The following DYNC2H1 variants were observed in gnomAD, a reference collection of about 807,000 sequenced individuals.
DYNC2H1 encodes the protein dynein cytoplasmic 2 heavy chain 1.
In DYNC2H1, 410 loss-of-function variants were observed where a neutral mutation model predicts 570.0. The observed-to-expected ratio is 0.72, with a 90% CI of 0.66 to 0.78. The LOEUF (loss-of-function observed/expected upper bound fraction) is 0.78. DYNC2H1 is among the 30% of genes least tolerant of loss of function. The pLI, the probability that DYNC2H1 is intolerant of heterozygous loss-of-function variation, is 0.00. For synonymous variants in DYNC2H1, 1,688 were observed against 1,677.6 expected, an observed-to-expected ratio of 1.01 and a Z score of -0.15; for missense variants, 4,865 against 5,046.4, an observed-to-expected ratio of 0.96 and a Z score of 1.09.
chr11:103,137,700 G>C (rs1292448279), intron 17 of DYNC2H1, among the ~76,000 whole-genome samples: 5 of 152,014 alleles, frequency 3.3e-5, no homozygotes, highest in Non-Finnish European at 5.9e-5. Context: ...GGATTGACTT[G>C]GCAATGTGGG....
rs1862839201 is a variant in DYNC2H1 at position 103,204,326 on chromosome 11, C to T, written c.8312-496C>T. On this transcript the variant is annotated intron_variant, in intron 51 of 88. Transcript: ENST00000375735. This position sits in a 1 kb window ranked among gnomAD's most constrained non-coding sequence, Gnocchi z 4.1. ...GAGCCAAACCATATCAATACCTTAG[C>T]AAAATTTTAGCAAACAGGAATGATG... Among the ~76,000 whole-genome samples, 1 of 152,052 alleles carries T rather than the reference C, an allele frequency of 6.6e-6. No individual in the cohort carries two copies.
chr11:103,279,328 ATAAT>A (rs1189526275), intron 70 of DYNC2H1, among the ~76,000 whole-genome samples: 1 of 152,182 alleles, frequency 6.6e-6, no homozygotes, highest in Non-Finnish European at 1.5e-5. Context: ...CTTATGGAAA[ATAAT>A]TAGTTTTCAG....
Position 103,243,971 on chromosome 11 carries a change from A to G in DYNC2H1, c.9918+180A>G, listed in dbSNP as rs1459283914. Among the ~76,000 whole-genome samples, 1 of 149,608 alleles carries G rather than the reference A, an allele frequency of 6.7e-6. No individual in the cohort carries two copies. Among genetic ancestry groups the G allele is most frequent in the Non-Finnish European group, 1.5e-5 (1 of 66,650 alleles). The stretch of plus-strand genomic sequence containing the variant: ...TTGTAAAAAATAGATAAGAATATTT[A>G]TTTGATTCTGGGTATTGATCTAAGC... On this transcript the variant is annotated intron_variant, in intron 64 of 88. Coordinates refer to ENST00000375735, the MANE Select transcript of DYNC2H1 (RefSeq NM_001377.3). This position sits in a 1 kb window ranked among gnomAD's most constrained non-coding sequence, Gnocchi z 4.8.
chr11:103,179,596 C>T (rs780830477), intron 39 of DYNC2H1, among the ~76,000 whole-genome samples: 1 of 151,586 alleles, frequency 6.6e-6, no homozygotes, highest in Non-Finnish European at 1.5e-5. Flanking sequence ...AGCTGAGTAG[C>T]AATATTTTAA....
chr11:103,307,839 G>T lies in DYNC2H1; in HGVS notation c.11493+8G>T. 1 of 1,528,100 alleles carries T rather than the reference G, an allele frequency of 6.5e-7. No homozygotes were observed. The highest frequency in any genetic ancestry group is 1.4e-5 in the African/African-American group (1 of 73,064). 94.7% of individuals were successfully genotyped at this position (1,528,100 alleles called of 1,614,324 possible). On this transcript the variant is annotated splice_region_variant and intron_variant, in intron 78 of 88. Transcript: ENST00000375735. ...CTGAAGATAACATATGAGGTAAGAA[G>T]ATTTAAAACTTGGATCACCAGTTGT...
chr11:103,199,922 A>G lies in DYNC2H1; in HGVS notation c.8089-124A>G. 3 of 657,860 alleles carry G rather than the reference A, an allele frequency of 4.6e-6. No homozygotes were observed. The highest frequency in any genetic ancestry group is 7.5e-6 in the Non-Finnish European group (3 of 400,654). The allele number at this position is 657,860 out of a possible 1,614,324, so 40.8% of individuals were successfully genotyped here. On this transcript the variant is annotated intron_variant, in intron 49 of 88. Transcript: ENST00000375735. The surrounding 1 kb of genome is among the most constrained non-coding windows in gnomAD (Gnocchi z 4.6). Reference sequence around the variant, plus strand: ...TAAAGTTTGATTTTTAATTATTAAAATGGAAATAAATGAATAAATAAACAC... The same window carrying G: ...TAAAGTTTGATTTTTAATTATTAAAGTGGAAATAAATGAATAAATAAACAC...
intron 66 of DYNC2H1, among the ~76,000 whole-genome samples, 182 bp downstream of exon 66, chr11:103,253,630 C>G (rs535739162): frequency 6.6e-6 from 1 of 152,140 alleles, no homozygotes; most frequent in East Asian, 1.9e-4. Context: ...TGTATTAGAC[C>G]TGTACATTTG....
chr11:103,349,008 C>G (rs1445686832), intron 82 of DYNC2H1, among the ~76,000 whole-genome samples: 3 of 152,188 alleles, frequency 2.0e-5, no homozygotes, highest in Non-Finnish European at 2.9e-5. Context: ...GAGGCCTCCT[C>G]AGTCATGCAG....
rs1474103038 is a variant in DYNC2H1 at position 103,446,821 on chromosome 11, T to C, written c.12457-8365T>C. ...AGGGCCCAATGCACATGTGGAAAGA[T>C]AGGCCTTAAATAGGAGCTTGAACTA... On this transcript the variant is annotated intron_variant, in intron 85 of 88. Transcript: ENST00000375735. The surrounding 1 kb of genome is among the most constrained non-coding windows in gnomAD (Gnocchi z 4.5). Among the ~76,000 whole-genome samples the C allele has an allele frequency of 6.6e-6, 1 of 152,128 alleles. No homozygotes were observed. The highest frequency in any genetic ancestry group is 1.9e-4 in the East Asian group (1 of 5,204).
intron 82 of DYNC2H1, among the ~76,000 whole-genome samples, chr11:103,333,492 C>T (rs1279067800): frequency 6.6e-6 from 1 of 152,172 alleles, no homozygotes; most frequent in African/African-American, 2.4e-5. Flanking sequence ...TCTCGATCTC[C>T]TGACCTTGTG....
intron 87 of DYNC2H1, among the ~76,000 whole-genome samples, chr11:103,459,927 C>G (rs1047240238): frequency 4.3e-5 from 6 of 139,302 alleles, no homozygotes; most frequent in Non-Finnish European, 7.5e-5. Flanking sequence ...AGTCCGCAGT[C>G]CGGCCTGGGC....
chr11:103,303,356 G>GC (rs1286573272), intron 76 of DYNC2H1, 103 bp downstream of exon 76: 9 of 1,288,272 alleles, frequency 7.0e-6, no homozygotes, highest in Admixed American at 2.1e-5. Context: ...GCCAAATAAT[G>GC]CCCCCAAAAA....
intron 70 of DYNC2H1, among the ~76,000 whole-genome samples, chr11:103,262,478 G>C: frequency 6.6e-6 from 1 of 152,154 alleles, no homozygotes; most frequent in East Asian, 1.9e-4. Context: ...ACAAAGGGAA[G>C]CCCATCAGAC....
chr11:103,304,774 C>A, intron 77 of DYNC2H1, 54 bp downstream of exon 77: 1 of 1,495,372 alleles, frequency 6.7e-7, no homozygotes, highest in South Asian at 1.4e-5. Context: ...TTAGCAATCT[C>A]CAAGGGACAT....
At position 103,223,082 on chromosome 11, in the gene DYNC2H1, G is replaced by A. The variant is rs200870508; in HGVS notation, c.9349G>A (p.Glu3117Lys). ...TTTGGAAACTGAACAGGCAGGATTA[G>A]AATCGTAAGTGAAATATAAAATATA... is the stretch of plus-strand genomic sequence containing the variant. ...HPLETEQAGL[E>K]SNLKKTEDRK... is the part of the protein sequence containing the mutation. The change falls in exon 59 of 89, where the codon GAA becomes AAA. Residue 3117 changes from glutamate to lysine, a missense_variant. This residue lies in a region of DYNC2H1 where 2,401 missense variants were observed against 2,454.6 expected (regional missense o/e 0.98). Transcript: ENST00000375735. 1.4e-4 allele frequency: 220 copies of A among 1,607,644 alleles called. No individual in the cohort carries two copies. Among genetic ancestry groups the A allele is most frequent in the Non-Finnish European group, 1.7e-4 (200 of 1,176,766 alleles).
rs12146667 is a variant in DYNC2H1 at position 103,117,361 on chromosome 11, G to A, written c.767-270G>A. Among the ~76,000 whole-genome samples the A allele has an allele frequency of 0.046, 6,910 of 150,260 alleles. 217 individuals are homozygous for A. Among genetic ancestry groups the A allele is most frequent in the Non-Finnish European group, 0.064 (4,298 of 67,576 alleles). On this transcript the variant is annotated intron_variant, in intron 5 of 88. Coordinates refer to ENST00000375735, the MANE Select transcript of DYNC2H1 (RefSeq NM_001377.3). ...TGTTACATATGTATACATGTGCCAC[G>A]TTGGTGTGCTGCATATGTATTTCTA...
chr11:103,191,322 A>G (rs1169518127), intron 45 of DYNC2H1, among the ~76,000 whole-genome samples, 195 bp from the exon 46 acceptor site: 1 of 152,088 alleles, frequency 6.6e-6, no homozygotes, highest in African/African-American at 2.4e-5. Context: ...TATAGGCATG[A>G]GCAACTGCGC....
At chr11:103,274,924 G>A (rs372793508) in intron 70 of DYNC2H1, among the ~76,000 whole-genome samples, 4 of 151,838 alleles carry the variant, frequency 2.6e-5, no homozygotes, top group Admixed American at 6.6e-5. Flanking sequence ...GCGAAACCCC[G>A]TCTCTACTAA....
chr11:103,404,083 T>A (rs999902303), intron 84 of DYNC2H1: 1 of 151,924 alleles, frequency 6.6e-6, no homozygotes, highest in Non-Finnish European at 1.5e-5. Flanking sequence ...AAAATAATTA[T>A]AAGAGTATGG....
Sources: allele counts gnomAD v4.1 joint callset (sites outside exome capture counted in the v4.1 genomes callset), GRCh38; gene constraint gnomAD v4.1.1; regional missense constraint gnomAD v4.1.1; non-coding constraint Gnocchi (gnomAD v3.1); transcripts MANE v1.5; gene names NCBI Gene and HGNC (gene_info 2026-07-23, HGNC 2026-07-21).